SPIDR: variants seen among roughly 807,000 people sequenced by gnomAD.
SPIDR encodes the protein DNA repair-scaffolding protein.
SPIDR carries 93 observed loss-of-function variants against 104.6 expected under a neutral mutation model. That is an observed-to-expected ratio of 0.89 (90% CI 0.75 to 1.06). The LOEUF is 1.06. Among genes scored for constraint, SPIDR ranks in the 50% least tolerant of loss-of-function variants. SPIDR has a pLI of 0.00. For synonymous variants in SPIDR, 431 were observed against 416.9 expected (o/e 1.03, Z -0.41); for missense variants, 1,154 against 1,111.2 (o/e 1.04, Z -0.55).
chr8:47,663,200 C>T (rs1270492201), intron 10 of SPIDR, among the ~76,000 whole-genome samples: 1 of 152,196 alleles, frequency 6.6e-6, no homozygotes, highest in Non-Finnish European at 1.5e-5. Context: ...TAGGCTCGGC[C>T]TAAAGGTCAC....
intron 8 of SPIDR, among the ~76,000 whole-genome samples, chr8:47,563,663 A>G (rs147816354): frequency 6.6e-6 from 1 of 152,340 alleles, no homozygotes; most frequent in Non-Finnish European, 1.5e-5. Context: ...GCAAGGGTCC[A>G]GATCGTTGGC....
chr8:47,414,132 A>G (rs2063900915), intron 7 of SPIDR, among the ~76,000 whole-genome samples: 1 of 152,200 alleles, frequency 6.6e-6, no homozygotes, highest in African/African-American at 2.4e-5. Context: ...ACTGTATAGG[A>G]TGTCCTAAAG....
chr8:47,570,955 G>T (rs899678753), intron 8 of SPIDR, among the ~76,000 whole-genome samples: 1 of 151,898 alleles, frequency 6.6e-6, no homozygotes, highest in Non-Finnish European at 1.5e-5. Context: ...GCCAGGTGTA[G>T]TGGTGGGCGC....
At chr8:47,410,928 C>T (rs964371056) in intron 7 of SPIDR, among the ~76,000 whole-genome samples, 28 of 152,100 alleles carry the variant, frequency 1.8e-4, no homozygotes, top group Admixed American at 5.9e-4. Context: ...TTTGTCCTTG[C>T]GATAGTTTGC....
chr8:47,462,387 C>T (rs977566393), intron 8 of SPIDR, among the ~76,000 whole-genome samples: 3 of 152,098 alleles, frequency 2.0e-5, no homozygotes, highest in South Asian at 2.1e-4. Context: ...CTGGTATATT[C>T]CTGCAGTAGT....
intron 19 of SPIDR, among the ~76,000 whole-genome samples, chr8:47,730,537 G>T (rs1340855077): frequency 2.0e-5 from 3 of 152,222 alleles, no homozygotes; most frequent in Non-Finnish European, 4.4e-5. Flanking sequence ...TCTGTGGTCA[G>T]TTAAATAAGG....
intron 8 of SPIDR, among the ~76,000 whole-genome samples, chr8:47,456,339 C>A (rs1371080130): frequency 6.6e-6 from 1 of 152,072 alleles, no homozygotes; most frequent in East Asian, 1.9e-4. Flanking sequence ...ATAAACCAGG[C>A]CTACTTAACA....
rs943454126 is a variant in SPIDR, at chr8:47,625,969, A to G, written c.1544+26773A>G. Among the ~76,000 whole-genome samples, 5 of 152,166 alleles carry G rather than the reference A, an allele frequency of 3.3e-5. No individual in the cohort carries two copies. In the South Asian group the frequency reaches 8.3e-4, roughly 25 times the overall value. Reference sequence around the variant, plus strand: ...AAAAGAACAAAGCTGGAGGTATCACACTACCTGACTTCAAACTATACTACA... The same window carrying G: ...AAAAGAACAAAGCTGGAGGTATCACGCTACCTGACTTCAAACTATACTACA... On this transcript the variant is annotated intron_variant, in intron 10 of 19. Transcript: ENST00000297423.
chr8:47,574,713 G>C (rs2058879127), intron 8 of SPIDR, among the ~76,000 whole-genome samples: 1 of 152,070 alleles, frequency 6.6e-6, no homozygotes, highest in South Asian at 2.1e-4. Flanking sequence ...TTGAACCCGG[G>C]AGGCAGCCTG....
chr8:47,669,471 G>A (rs954903083), intron 10 of SPIDR, among the ~76,000 whole-genome samples: 14 of 152,192 alleles, frequency 9.2e-5, no homozygotes, highest in Admixed American at 8.5e-4. Flanking sequence ...GGGAGAGCAT[G>A]TGTGGTGGGT....
intron 7 of SPIDR, among the ~76,000 whole-genome samples, chr8:47,437,491 CATT>C (rs2068575275): frequency 6.6e-6 from 1 of 151,988 alleles, no homozygotes; most frequent in Non-Finnish European, 1.5e-5. Flanking sequence ...TCCAGTCTAT[CATT>C]GTTGGACATT....
chr8:47,271,053 C>T (rs1316646982), intron 1 of SPIDR, among the ~76,000 whole-genome samples: 1 of 152,084 alleles, frequency 6.6e-6, no homozygotes, highest in Non-Finnish European at 1.5e-5. Context: ...GGGGTGTCTT[C>T]ATGGTTTCTG....
At chr8:47,401,852 C>A (rs1372711362) in intron 6 of SPIDR, among the ~76,000 whole-genome samples, 2 of 152,160 alleles carry the variant, frequency 1.3e-5, no homozygotes, top group African/African-American at 4.8e-5. Flanking sequence ...TAGAGACCTA[C>A]AAAGAGACTT....
intron 19 of SPIDR, chr8:47,732,087 G>A: frequency 1.4e-6 from 1 of 700,786 alleles, no homozygotes. Context: ...CTCCAGCAAT[G>A]GACAGTGCTT....
intron 8 of SPIDR, among the ~76,000 whole-genome samples, chr8:47,561,817 G>A (rs1389086475): frequency 6.6e-6 from 1 of 152,108 alleles, no homozygotes; most frequent in East Asian, 1.9e-4. Context: ...TAACATGTAC[G>A]GTAACTGACA....
At chr8:47,579,242 T>G (rs993089087) in intron 8 of SPIDR, among the ~76,000 whole-genome samples, 1 of 152,182 alleles carries the variant, frequency 6.6e-6, no homozygotes. Flanking sequence ...ACAGAGGTGG[T>G]GTCAAAGCCT....
Position 47,636,815 on chromosome 8 carries a change from C to CAA in SPIDR, c.1545-36971_1545-36970dup, listed in dbSNP as rs1247296002. Among the ~76,000 whole-genome samples, 351 of 109,362 alleles carry CAA rather than the reference C, an allele frequency of 3.2e-3. 1 individual carries two copies. Among genetic ancestry groups the CAA allele is most frequent in the African/African-American group, 0.011 (338 of 29,802 alleles). The allele number at this position is 109,362 out of a possible 152,430, so 71.7% of individuals were successfully genotyped here. On this transcript the variant is annotated intron_variant, in intron 10 of 19. Coordinates refer to ENST00000297423, the MANE Select transcript of SPIDR (RefSeq NM_001080394.4). ...TAAGCAACAGAGCAAGACCCTATCT[C>CAA]AAAAAAAAAAAAAAAAGAGATTGTC...
chr8:47,422,040 G>C (rs2065576913), intron 7 of SPIDR, among the ~76,000 whole-genome samples: 1 of 152,194 alleles, frequency 6.6e-6, no homozygotes, highest in African/African-American at 2.4e-5. Flanking sequence ...CCTCACAGTT[G>C]GGCTACTCGG....
intron 10 of SPIDR, among the ~76,000 whole-genome samples, chr8:47,643,331 T>A (rs2069544539): frequency 6.6e-6 from 1 of 152,158 alleles, no homozygotes; most frequent in Admixed American, 6.6e-5. Context: ...AACTGCAACT[T>A]CTATTTTATT....
Sources: gnomAD v4.1 joint callset for allele counts (sites outside exome capture counted in the v4.1 genomes callset) on GRCh38, gnomAD v4.1.1 for gene constraint, MANE v1.5 for transcripts, NCBI Gene and HGNC (gene_info 2026-07-23, HGNC 2026-07-21) for gene names.